CTIF: variants seen among roughly 807,000 people sequenced by gnomAD.
CTIF encodes the protein CBP80/20-dependent translation initiation factor.
Under a neutral mutation model 66.0 loss-of-function variants are expected in CTIF, and 21 were observed. That is an observed-to-expected ratio of 0.32 (90% CI 0.23 to 0.46). The LOEUF is 0.46. Ranked by LOEUF, CTIF falls within the 20% of genes least tolerant of loss-of-function variation. CTIF has a pLI of 1.00. For missense variants in CTIF, 739 were observed against 812.7 expected, an observed-to-expected ratio of 0.91 and a Z score of 1.10; for synonymous variants, 345 against 326.4, an observed-to-expected ratio of 1.06 and a Z score of -0.62.
chr18:48,629,470 T>A (rs1236747683), intron 2 of CTIF, among the ~76,000 whole-genome samples: 1 of 152,134 alleles, frequency 6.6e-6, no homozygotes, highest in Non-Finnish European at 1.5e-5. Context: ...TCTTTCTAAA[T>A]CATTTGAGAG....
chr18:48,637,041 G>A (rs539321491), intron 3 of CTIF, among the ~76,000 whole-genome samples: 1 of 152,326 alleles, frequency 6.6e-6, no homozygotes. Flanking sequence ...TGAGGGTTCA[G>A]GTACCGACAT....
At chr18:48,771,973 G>A (rs964173205) in intron 9 of CTIF, among the ~76,000 whole-genome samples, 1 of 152,242 alleles carries the variant, frequency 6.6e-6, no homozygotes, top group Non-Finnish European at 1.5e-5. Flanking sequence ...ATCTCCCTGC[G>A]GGTTATGTAA....
intron 10 of CTIF, among the ~76,000 whole-genome samples, chr18:48,835,426 C>T (rs542620153): frequency 6.6e-6 from 1 of 152,286 alleles, no homozygotes; most frequent in African/African-American, 2.4e-5. Context: ...GTGTAAGGCT[C>T]ATGTACTTGG....
intron 10 of CTIF, among the ~76,000 whole-genome samples, chr18:48,823,257 G>T (rs1204575897): frequency 1.3e-5 from 2 of 151,214 alleles, no homozygotes; most frequent in African/African-American, 4.8e-5. Context: ...ACGTCAAGAT[G>T]CTTTTTCTTT....
intron 1 of CTIF, among the ~76,000 whole-genome samples, chr18:48,590,898 T>C (rs1019460478): frequency 1.8e-4 from 27 of 150,762 alleles, no homozygotes; most frequent in Non-Finnish European, 3.4e-4. Flanking sequence ...CCAGAGGAAC[T>C]TGGACAACAG....
chr18:48,742,866 A>G (rs1341123722), intron 7 of CTIF, among the ~76,000 whole-genome samples: 5 of 152,116 alleles, frequency 3.3e-5, no homozygotes, highest in African/African-American at 9.7e-5. Context: ...GCCTATGGTC[A>G]TGGGGTGAGC....
At chr18:48,657,337 A>G (rs1359388590) in intron 3 of CTIF, among the ~76,000 whole-genome samples, 2 of 152,270 alleles carry the variant, frequency 1.3e-5, no homozygotes, top group African/African-American at 2.4e-5. Context: ...ATCATTCAGT[A>G]TATACCAAAC....
chr18:48,720,270 T>G (rs763639001), intron 7 of CTIF, among the ~76,000 whole-genome samples: 8 of 152,160 alleles, frequency 5.3e-5, no homozygotes, highest in Non-Finnish European at 1.0e-4. Context: ...GGGGATGAGA[T>G]GGGGACGGGG....
intron 1 of CTIF, among the ~76,000 whole-genome samples, chr18:48,560,729 C>G (rs971707915): frequency 6.6e-6 from 1 of 151,984 alleles, no homozygotes; most frequent in African/African-American, 2.4e-5. Context: ...CACCACTGTA[C>G]CCCACAAAAT....
chr18:48,747,512 G>A (rs551748947), intron 7 of CTIF, among the ~76,000 whole-genome samples: 2 of 152,288 alleles, frequency 1.3e-5, no homozygotes, highest in East Asian at 3.9e-4. Flanking sequence ...GGAAGCTCCC[G>A]ACAACTTGGA....
At chr18:48,624,720 ACT>A (rs2090562571) in intron 2 of CTIF, among the ~76,000 whole-genome samples, 1 of 151,960 alleles carries the variant, frequency 6.6e-6, no homozygotes, top group South Asian at 2.1e-4. Flanking sequence ...CCTGTGCATG[ACT>A]CTGATTGCCA....
intron 6 of CTIF, among the ~76,000 whole-genome samples, chr18:48,708,224 G>A (rs1035815259): frequency 2.6e-5 from 4 of 152,152 alleles, no homozygotes; most frequent in African/African-American, 9.7e-5. Flanking sequence ...AAGAAGCTCT[G>A]CCAACCTGCA....
In CTIF at chr18:48,636,662, C is replaced by A. The variant is rs34998380; in HGVS notation, c.229C>A (p.Arg77=). 1,278 of 1,600,830 alleles carry A rather than the reference C, an allele frequency of 8.0e-4. 6 individuals carry two copies. The highest frequency in any genetic ancestry group is 3.5e-3 in the Middle Eastern group (21 of 6,004). ...EPLDSSCSFS[R]GRAPPQQNGS... The stretch of plus-strand genomic sequence containing the variant: ...GCTGGACAGCAGCTGTTCCTTCTCC[C>A]GAGGGCGAGCCCCCCCACAGCAGGT... The change falls in exon 3 of 12, where the codon CGA becomes AGA. Residue 77 remains arginine, a synonymous_variant. Transcript: ENST00000256413.
intron 10 of CTIF, among the ~76,000 whole-genome samples, chr18:48,839,134 G>A (rs144341004): frequency 6.4e-4 from 98 of 152,190 alleles, no homozygotes; most frequent in Middle Eastern, 3.4e-3. Flanking sequence ...GCCTCTCCAC[G>A]GCTCGGCTAG....
In CTIF at chr18:48,789,050, G is replaced by A. The variant is rs200640864; in HGVS notation, c.1371+27361G>A. ...GGTGGCAAAGAGCAGGTGTGTGCAC[G>A]TAGGTCCCTCAGCACCCATGGGACA... On this transcript the variant is annotated intron_variant, in intron 9 of 11. Coordinates refer to ENST00000256413, the MANE Select transcript of CTIF (RefSeq NM_014772.3). Among the ~76,000 whole-genome samples the A allele has an allele frequency of 2.6e-5, 4 of 152,250 alleles. No homozygotes were observed. The East Asian group carries it at 5.8e-4, about 22-fold the overall frequency.
intron 10 of CTIF, among the ~76,000 whole-genome samples, chr18:48,847,963 T>C (rs2146599084): frequency 6.6e-6 from 1 of 152,320 alleles, no homozygotes; most frequent in Middle Eastern, 3.4e-3. Flanking sequence ...CCCTGGGCTG[T>C]CCTCCAGGTT....
intron 3 of CTIF, among the ~76,000 whole-genome samples, chr18:48,647,972 T>A (rs79348552): frequency 6.6e-6 from 1 of 152,102 alleles, no homozygotes; most frequent in Non-Finnish European, 1.5e-5. Context: ...ATGGGGGGTG[T>A]TGATTTTCCC....
At chr18:48,605,145 G>T (rs1016616261) in intron 1 of CTIF, among the ~76,000 whole-genome samples, 17 of 152,192 alleles carry the variant, frequency 1.1e-4, no homozygotes, top group Non-Finnish European at 2.2e-4. Flanking sequence ...TATACCTGGA[G>T]TGGAATTGTT....
At chr18:48,734,761 A>C (rs1358169405) in intron 7 of CTIF, among the ~76,000 whole-genome samples, 1 of 152,038 alleles carries the variant, frequency 6.6e-6, no homozygotes, top group Non-Finnish European at 1.5e-5. Flanking sequence ...CCCTGTATGG[A>C]TAGGAAGCAG....
Sources: allele counts gnomAD v4.1 joint callset (sites outside exome capture counted in the v4.1 genomes callset), GRCh38; gene constraint gnomAD v4.1.1; transcripts MANE v1.5; gene names NCBI Gene and HGNC (gene_info 2026-07-23, HGNC 2026-07-21).